Variants in EXOSC10 observed in about 807,000 individuals in gnomAD.
EXOSC10 encodes exosome complex component 10.
A neutral mutation model predicts 126.6 loss-of-function variants in EXOSC10; 94 were observed. The observed-to-expected ratio is 0.74, with a 90% CI of 0.63 to 0.88. The LOEUF is 0.88. EXOSC10 is among the 40% of genes least tolerant of loss of function. The pLI, the probability that EXOSC10 is intolerant of heterozygous loss-of-function variation, is 0.00. For missense variants in EXOSC10, 1,041 were observed against 1,100.5 expected (o/e 0.95, Z 0.77); for synonymous variants, 395 against 400.8 (o/e 0.99, Z 0.17).
chr1:11,093,966 G>C (rs533761277), intron 3 of EXOSC10, among the ~76,000 whole-genome samples: 1 of 152,222 alleles, frequency 6.6e-6, no homozygotes, highest in South Asian at 2.1e-4. Context: ...TGCAGTCCCA[G>C]CTACTTGGGA....
At chr1:11,078,275 T>TTTTTTTTTTTTTTTTTTTTTTTTTGG in intron 14 of EXOSC10, among the ~76,000 whole-genome samples, 1 of 151,056 alleles carries the variant, frequency 6.6e-6, no homozygotes, top group African/African-American at 2.4e-5. Context: ...TTTTTTTTTT[T>TTTTTTTTTTTTTTTTTTTTTTTTTGG]GAGACGGAGT....
chr1:11,098,254 C>A, intron 1 of EXOSC10, 98 bp from the exon 2 acceptor site: 1 of 1,385,808 alleles, frequency 7.2e-7, no homozygotes, highest in Non-Finnish European at 9.5e-7. Flanking sequence ...ATCTACTCTT[C>A]ATCCATCAAA....
At chr1:11,074,134 G>T in intron 18 of EXOSC10, 97 bp downstream of exon 18, 2 of 1,376,452 alleles carry the variant, frequency 1.5e-6, no homozygotes, top group South Asian at 1.2e-5. Flanking sequence ...CAGGGCAGCC[G>T]ACACACTGGC....
In EXOSC10 at chr1:11,078,508, C is replaced by T. The variant is rs538022128; in HGVS notation, c.1750-857G>A. Among the ~76,000 whole-genome samples the T allele has an allele frequency of 2.0e-3, 310 of 152,162 alleles. 3 individuals are homozygous for T. The highest frequency in any genetic ancestry group is 3.9e-3 in the Non-Finnish European group (268 of 68,012). On this transcript the variant is annotated intron_variant, in intron 14 of 24. Transcript: ENST00000376936. ...TCCTGACCTCGTGATCCGCCCGCCT[C>T]GGCCTCCCAAAGTGCTGGGATTACA...
At chr1:11,096,954 C>T (rs1163607527) in intron 2 of EXOSC10, among the ~76,000 whole-genome samples, 1 of 152,076 alleles carries the variant, frequency 6.6e-6, no homozygotes, top group South Asian at 2.1e-4. Flanking sequence ...TGGCTTATAC[C>T]TGTAATCCCA....
rs563772803 is a variant in EXOSC10 at position 11,097,509 on chromosome 1, G to C, written c.248+511C>G. ...TGGGAGGCCGAGGCAGGTGGATCACGAGGTCAGGAGATCGAGACCATCCTG... is the reference window on the plus strand; with the variant it reads ...TGGGAGGCCGAGGCAGGTGGATCACCAGGTCAGGAGATCGAGACCATCCTG... On this transcript the variant is annotated intron_variant, in intron 2 of 24. Transcript: ENST00000376936. 2.0e-4 allele frequency among the ~76,000 whole-genome samples: 30 copies of C among 152,180 alleles called. 1 individual carries two copies. Among genetic ancestry groups the C allele is most frequent in the African/African-American group, 5.5e-4 (23 of 41,540 alleles).
chr1:11,081,263 T>C, intron 10 of EXOSC10, 25 bp from the exon 11 acceptor site: 2 of 1,611,562 alleles, frequency 1.2e-6, no homozygotes, highest in East Asian at 2.2e-5. Flanking sequence ...GACAATGTTT[T>C]ACTGATTGCC....
chr1:11,070,482 AC>A (rs1261531467), intron 21 of EXOSC10, among the ~76,000 whole-genome samples: 1 of 146,626 alleles, frequency 6.8e-6, no homozygotes, highest in African/African-American at 2.6e-5. Context: ...CAACTGTGCC[AC>A]TGCACTCCAG....
chr1:11,090,973 T>G, intron 5 of EXOSC10, 41 bp downstream of exon 5: 2 of 1,596,930 alleles, frequency 1.3e-6, no homozygotes, highest in Non-Finnish European at 1.7e-6. Flanking sequence ...TTGCATCAAA[T>G]AAAGTGAGAC....
At chr1:11,097,913 C>G (rs985425067) in intron 2 of EXOSC10, 107 bp downstream of exon 2, 1 of 1,160,630 alleles carries the variant, frequency 8.6e-7, no homozygotes, top group African/African-American at 1.6e-5. Context: ...TATAGCTCTT[C>G]ATACCACAGA....
chr1:11,095,639 G>C (rs565948031), intron 3 of EXOSC10, 119 bp downstream of exon 3: 2 of 888,316 alleles, frequency 2.3e-6, no homozygotes, highest in Non-Finnish European at 3.5e-6. Context: ...TTGTGAACCC[G>C]GGAGGCAGAG....
intron 3 of EXOSC10, among the ~76,000 whole-genome samples, chr1:11,094,063 G>C (rs1287360424): frequency 6.6e-6 from 1 of 152,150 alleles, no homozygotes; most frequent in Non-Finnish European, 1.5e-5. Context: ...CTGGGTGACA[G>C]AGCAAGACTT....
chr1:11,093,961 T>G (rs1240245018), intron 3 of EXOSC10, among the ~76,000 whole-genome samples: 1 of 152,034 alleles, frequency 6.6e-6, no homozygotes, highest in Admixed American at 6.6e-5. Context: ...ACACCTGCAG[T>G]CCCAGCTACT....
At chr1:11,076,564 C>G (rs1168518685) in intron 17 of EXOSC10, among the ~76,000 whole-genome samples, 1 of 152,180 alleles carries the variant, frequency 6.6e-6, no homozygotes, top group Non-Finnish European at 1.5e-5. Flanking sequence ...GCCCTCCTCC[C>G]ACTAGGTGCT....
chr1:11,082,562 GA>G lies in EXOSC10; in HGVS notation c.1280+125del, dbSNP rs1640228830. The G allele has an allele frequency of 3.3e-6, 5 of 1,511,852 alleles. No individual in the cohort carries two copies. In the South Asian group the frequency reaches 6.7e-5, roughly 20 times the overall value. The allele number at this position is 1,511,852 out of a possible 1,614,324, so 93.7% of individuals were successfully genotyped here. A position where few individuals can be genotyped will look rare whatever the true frequency, so the allele number is the denominator to read the frequency against. ...TTTTACGCTGCTGAAGATGCCTGGC[GA>G]AAAGCCTGATGCCATTCATCTCAAT... On this transcript the variant is annotated intron_variant, in intron 10 of 24. Transcript: ENST00000376936.
At chr1:11,082,007 G>A (rs543532395) in intron 10 of EXOSC10, among the ~76,000 whole-genome samples, 50 of 151,786 alleles carry the variant, frequency 3.3e-4, no homozygotes, top group African/African-American at 1.1e-3. Context: ...GCTTGAACCC[G>A]GGAGGCAGAG....
At chr1:11,073,452 A>G (rs1339289139) in intron 19 of EXOSC10, among the ~76,000 whole-genome samples, 3 of 152,086 alleles carry the variant, frequency 2.0e-5, no homozygotes, top group African/African-American at 7.2e-5. Context: ...TAAGAATCTC[A>G]CTGAAGTTCT....
At chr1:11,078,584 C>A (rs75909850) in intron 14 of EXOSC10, among the ~76,000 whole-genome samples, 10,896 of 151,710 alleles carry the variant, frequency 0.072, 600 homozygotes, top group East Asian at 0.15. Context: ...ACAACAACAA[C>A]AAAAAAAACA....
At chr1:11,076,309 C>T (rs1235197967) in intron 17 of EXOSC10, among the ~76,000 whole-genome samples, 1 of 151,950 alleles carries the variant, frequency 6.6e-6, no homozygotes, top group African/African-American at 2.4e-5. Flanking sequence ...GATTGTGCCA[C>T]TGCATTCCAG....
Sources: allele counts gnomAD v4.1 joint callset (sites outside exome capture counted in the v4.1 genomes callset), GRCh38; gene constraint gnomAD v4.1.1; transcripts MANE v1.5; gene names NCBI Gene and HGNC (gene_info 2026-07-23, HGNC 2026-07-21).